The following DHX9 variants were observed in gnomAD, a reference collection of about 807,000 sequenced individuals.
DHX9 encodes DExH-box helicase 9, also known as ATP-dependent RNA helicase A.
Under a neutral mutation model 148.7 loss-of-function variants are expected in DHX9, and 27 were observed. The observed-to-expected ratio is 0.18, with a 90% CI of 0.13 to 0.25. The LOEUF (loss-of-function observed/expected upper bound fraction) is 0.25, where lower values mean the gene tolerates loss of function less well. DHX9 is among the 10% of genes least tolerant of loss of function. DHX9 has a pLI of 1.00. For synonymous variants in DHX9, 529 were observed against 516.6 expected (o/e 1.02, Z -0.33); for missense variants, 796 against 1,559.6 (o/e 0.51, Z 8.25).
At chr1:182,851,612 A>G (rs982440930) in intron 3 of DHX9, among the ~76,000 whole-genome samples, 2 of 152,082 alleles carry the variant, frequency 1.3e-5, no homozygotes, top group African/African-American at 2.4e-5. Context: ...AAAAGGTTGT[A>G]TAGATCTCAG....
chr1:182,852,329 C>G lies in DHX9; in HGVS notation c.349C>G (p.Leu117Val). ...TTMGGPLPPH[L>V]ALKAENNSEV... ...CATGGGAGGACCTCTTCCTCCACAT[C>G]TGGCTCTCAAAGCAGGTAAGGGACT... is the stretch of plus-strand genomic sequence containing the variant. Residue 117 changes from leucine to valine, a missense_variant, in exon 4 of 28, where the codon CTG becomes GTG. Physicochemically the swap from Leu to Val is conservative, Grantham distance 32. This residue lies in a region of DHX9 where 89 missense variants were observed against 77.5 expected (regional missense o/e 1.15). Transcript: ENST00000367549. 1 of 1,611,198 alleles carries G rather than the reference C, an allele frequency of 6.2e-7. No homozygotes were observed. The highest frequency in any genetic ancestry group is 8.5e-7 in the Non-Finnish European group (1 of 1,178,538).
At position 182,876,184 on chromosome 1, in the gene DHX9, T is replaced by C. The variant is rs1648754411; in HGVS notation, c.1950T>C (p.Pro650=). 8 of 1,614,036 alleles carry C rather than the reference T, an allele frequency of 5.0e-6. No individual in the cohort carries two copies. Among genetic ancestry groups the C allele is most frequent in the South Asian group, 1.1e-5 (1 of 91,084 alleles). ...LLKYIETLNV[P]GAVLVFLPGW... ...AGTACATTGAAACCCTTAATGTTCC[T>C]GGAGCTGTGTTGGTTTTTTTGCCTG... is the stretch of plus-strand genomic sequence containing the variant. The change falls in exon 17 of 28, where the codon CCT becomes CCC. Residue 650 remains proline, a synonymous_variant. Transcript: ENST00000367549.
chr1:182,848,756 A>G (rs1192414169), intron 3 of DHX9, among the ~76,000 whole-genome samples: 1 of 152,220 alleles, frequency 6.6e-6, no homozygotes, highest in African/African-American at 2.4e-5. Flanking sequence ...CTTTACAGGA[A>G]GTGTGGTACT....
intron 12 of DHX9, among the ~76,000 whole-genome samples, chr1:182,862,277 G>A (rs557943340): frequency 6.6e-6 from 1 of 152,132 alleles, no homozygotes. Context: ...ATGGACTGGC[G>A]TATAACAGAA....
intron 15 of DHX9, among the ~76,000 whole-genome samples, chr1:182,873,478 G>A (rs1395885488): frequency 6.6e-6 from 1 of 152,184 alleles, no homozygotes; most frequent in East Asian, 1.9e-4. Context: ...CATGTGTACT[G>A]GAAATGCCAT....
At position 182,887,443 on chromosome 1, in the gene DHX9, T is replaced by G; in HGVS notation, c.*9T>G. The G allele has an allele frequency of 6.2e-7, 1 of 1,610,140 alleles. No individual in the cohort carries two copies. The highest frequency in any genetic ancestry group is 1.1e-5 in the South Asian group (1 of 90,574). On this transcript the variant is annotated 3_prime_UTR_variant, in exon 28 of 28. Coordinates refer to ENST00000367549, the MANE Select transcript of DHX9 (RefSeq NM_001357.5). ...GAGGTGGCGGCTATTAAAACTTGGT[T>G]ATGTCAGTTCCTGTGTGTAGACAGT...
intron 22 of DHX9, 82 bp from the exon 23 acceptor site, chr1:182,881,182 A>G: frequency 7.1e-7 from 1 of 1,415,006 alleles, no homozygotes. Flanking sequence ...AAAGACTGCA[A>G]CCCACAGTCG....
At chr1:182,878,566 T>C (rs1397284569) in intron 20 of DHX9, among the ~76,000 whole-genome samples, 3 of 148,716 alleles carry the variant, frequency 2.0e-5, no homozygotes, top group Non-Finnish European at 3.0e-5. Flanking sequence ...TAAAATACTT[T>C]GAACAGTGTA....
chr1:182,846,237 C>CT (rs546727701), intron 3 of DHX9, among the ~76,000 whole-genome samples: 2,173 of 138,764 alleles, frequency 0.016, 39 homozygotes, highest in African/African-American at 0.044. Flanking sequence ...ACCAGATGTA[C>CT]TTTTTTTTTT....
chr1:182,858,330 G>C, intron 8 of DHX9, 90 bp downstream of exon 8: 1 of 1,445,964 alleles, frequency 6.9e-7, no homozygotes, highest in Non-Finnish European at 9.4e-7. Context: ...TTAATTTTAA[G>C]AATCTTACCT....
Position 182,843,247 on chromosome 1 carries a change from CAG to C in DHX9, c.112-45_112-44del, listed in dbSNP as rs758918387. The C allele has an allele frequency of 6.9e-6, 10 of 1,446,430 alleles. No homozygotes were observed. The South Asian group carries it at 1.6e-4, about 23-fold the overall frequency. The allele number at this position is 1,446,430 out of a possible 1,614,324, so 89.6% of individuals were successfully genotyped here. Reference sequence around the variant, plus strand: ...ACTGAATTACGACTTTTTAAAATCTCAGAATTACCCAGGTCAGTCTCTTAGTA... The same window carrying C: ...ACTGAATTACGACTTTTTAAAATCTCAATTACCCAGGTCAGTCTCTTAGTA... On this transcript the variant is annotated intron_variant, in intron 2 of 27. Coordinates refer to ENST00000367549, the MANE Select transcript of DHX9 (RefSeq NM_001357.5).
intron 8 of DHX9, 70 bp from the exon 9 acceptor site, chr1:182,858,481 G>T: frequency 7.5e-7 from 1 of 1,328,684 alleles, no homozygotes; most frequent in South Asian, 1.3e-5. Context: ...ACCTAGTGTT[G>T]ACTGTATAGT....
intron 14 of DHX9, among the ~76,000 whole-genome samples, chr1:182,869,492 TGGTCTTGTCTGGTCCTGACA>T (rs979900955): frequency 6.6e-6 from 1 of 152,038 alleles, no homozygotes; most frequent in African/African-American, 2.4e-5. Flanking sequence ...CGGTTTGGTC[TGGTCTTGTCTGGTCCTGACA>T]GGTCTTGTCT....
intron 14 of DHX9, among the ~76,000 whole-genome samples, chr1:182,868,786 A>G (rs1457372255): frequency 6.6e-6 from 1 of 152,104 alleles, no homozygotes; most frequent in Non-Finnish European, 1.5e-5. Context: ...AGCATTTCTT[A>G]AAGATTTTCT....
rs796663278 is a variant in DHX9, at chr1:182,868,011, C to T, written c.1557+968C>T. ...TTTTTTTCTTTTTTCTTCTCCCATC[C>T]CCCATCCTGAAGTTACCCAGGGGTT... On this transcript the variant is annotated intron_variant, in intron 14 of 27. Transcript: ENST00000367549. Among the ~76,000 whole-genome samples the T allele has an allele frequency of 5.9e-5, 9 of 152,156 alleles. 1 individual carries two copies. Among genetic ancestry groups the T allele is most frequent in the African/African-American group, 2.2e-4 (9 of 41,490 alleles).
At chr1:182,855,238 G>T (rs756153992) in intron 6 of DHX9, among the ~76,000 whole-genome samples, 17 of 151,000 alleles carry the variant, frequency 1.1e-4, no homozygotes, top group Non-Finnish European at 1.9e-4. Flanking sequence ...TTGTCTTTCT[G>T]AACGCATTGG....
At chr1:182,877,975 T>C (rs1225373391) in intron 19 of DHX9, 46 bp from the exon 20 acceptor site, 1 of 1,606,560 alleles carries the variant, frequency 6.2e-7, no homozygotes. Context: ...TAATAGTTAT[T>C]GATAATACAC....
intron 19 of DHX9, 58 bp downstream of exon 19, chr1:182,876,961 C>G (rs1648831193): frequency 3.1e-6 from 4 of 1,272,640 alleles, no homozygotes; most frequent in Non-Finnish European, 4.5e-6. Flanking sequence ...AAACTTCTTA[C>G]CAGTTAACAG....
At position 182,856,654 on chromosome 1, in the gene DHX9, C is replaced by T. The variant is rs184463528; in HGVS notation, c.673+76C>T. 1.7e-4 allele frequency: 212 copies of T among 1,272,184 alleles called. 1 individual carries two copies. Among genetic ancestry groups the T allele is most frequent in the Non-Finnish European group, 2.3e-4 (205 of 877,198 alleles). 78.8% of individuals were successfully genotyped at this position (1,272,184 alleles called of 1,614,324 possible). On this transcript the variant is annotated intron_variant, in intron 7 of 27. Transcript: ENST00000367549. ...TCTTCACATTTTAAGTCTTGAGTCACGTATACAGAAGCTGTATTATTTGAA... is the reference window on the plus strand; with the variant it reads ...TCTTCACATTTTAAGTCTTGAGTCATGTATACAGAAGCTGTATTATTTGAA...
Sources: allele counts gnomAD v4.1 joint callset (sites outside exome capture counted in the v4.1 genomes callset), GRCh38; gene constraint gnomAD v4.1.1; regional missense constraint gnomAD v4.1.1; transcripts MANE v1.5; gene names NCBI Gene and HGNC (gene_info 2026-07-23, HGNC 2026-07-21).